GCN1: variants seen among roughly 807,000 people sequenced by gnomAD.
GCN1 encodes stalled ribosome sensor GCN1.
In GCN1, 90 loss-of-function variants were observed where a neutral mutation model predicts 288.4. That is an observed-to-expected ratio of 0.31 (90% confidence interval 0.26 to 0.37). The LOEUF (loss-of-function observed/expected upper bound fraction) is 0.37. Ranked by LOEUF, GCN1 falls within the 10% of genes least tolerant of loss-of-function variation. The pLI is 1.00. For synonymous variants in GCN1, 1,386 were observed against 1,420.2 expected (o/e 0.98, Z 0.54); for missense variants, 2,586 against 3,419.9 (o/e 0.76, Z 6.08).
chr12:120,130,565 G>A (rs1352144343), intron 56 of GCN1, 81 bp downstream of exon 56: 15 of 873,256 alleles, frequency 1.7e-5, no homozygotes, highest in Middle Eastern at 2.2e-4. Context: ...AGTTGAGGGC[G>A]CACTGCTGGT....
chr12:120,161,992 T>C lies in GCN1; in HGVS notation c.2230A>G (p.Ser744Gly), dbSNP rs1220018127. 2 of 1,613,948 alleles carry C rather than the reference T, an allele frequency of 1.2e-6. No individual in the cohort carries two copies. The highest frequency in any genetic ancestry group is 2.2e-5 in the South Asian group (2 of 91,078). Residue 744 changes from serine to glycine, a missense_variant, in exon 21 of 58, where the codon AGC (serine) becomes GGC (glycine). Ser to Gly is a moderately conservative substitution (Grantham distance 56). Around this residue, in one of 8 missense-constraint regions of GCN1, gnomAD observed 913 missense variants for 1,107.0 expected, o/e 0.82. Coordinates refer to ENST00000300648, the MANE Select transcript of GCN1 (RefSeq NM_006836.2). ...SPDRVLPQLI[S>G]TITASVQNPA... ...TTCTGCACGGAGGCAGTGATGGTGC[T>C]GATGAGCTGTGGGAGGACCCGGTCC...
intron 9 of GCN1, among the ~76,000 whole-genome samples, chr12:120,176,606 C>G (rs536655017): frequency 6.6e-6 from 1 of 152,170 alleles, no homozygotes; most frequent in African/African-American, 2.4e-5. Context: ...CCACTCAACT[C>G]TGAAAGTGAA....
intron 45 of GCN1, among the ~76,000 whole-genome samples, chr12:120,140,630 G>A (rs1457143302): frequency 6.6e-6 from 1 of 152,188 alleles, no homozygotes; most frequent in East Asian, 1.9e-4. Context: ...GGCCACTCAA[G>A]GAGGCATCCA....
chr12:120,146,907 C>T (rs1594266369), intron 38 of GCN1, 145 bp downstream of exon 38: 2 of 488,060 alleles, frequency 4.1e-6, no homozygotes, highest in Non-Finnish European at 7.1e-6. Flanking sequence ...GGATTTCCAC[C>T]ACAAAATGGC....
intron 14 of GCN1, among the ~76,000 whole-genome samples, chr12:120,171,217 A>G (rs1878304888): frequency 6.6e-6 from 1 of 151,866 alleles, no homozygotes; most frequent in African/African-American, 2.4e-5. Flanking sequence ...TATAATCCCA[A>G]CACTCTGGGA....
chr12:120,159,256 G>A (rs1877852139), intron 24 of GCN1, among the ~76,000 whole-genome samples: 1 of 152,168 alleles, frequency 6.6e-6, no homozygotes, highest in East Asian at 1.9e-4. Context: ...CTTCTGGCAG[G>A]TTTCATATGC....
At chr12:120,128,837 C>CTTT (rs35329199) in intron 57 of GCN1, among the ~76,000 whole-genome samples, 1,147 of 98,388 alleles carry the variant, frequency 0.012, 47 homozygotes, top group African/African-American at 0.025. Context: ...TCACCCAAAT[C>CTTT]TTTTTTTTTT....
In GCN1 at chr12:120,135,956, C is replaced by T. The variant is rs1359852655; in HGVS notation, c.7008+546G>A. Among the ~76,000 whole-genome samples the T allele has an allele frequency of 4.0e-5, 6 of 151,058 alleles. No individual in the cohort carries two copies. The East Asian group carries it at 1.2e-3, about 29-fold the overall frequency. The stretch of plus-strand genomic sequence containing the variant: ...GCTTGAACCCAGGAGGCGGAGGTTG[C>T]AGTGAGCCGAGATCGCGCCACTGCA... On this transcript the variant is annotated intron_variant, in intron 51 of 57. Coordinates refer to ENST00000300648, the MANE Select transcript of GCN1 (RefSeq NM_006836.2).
In GCN1 at chr12:120,141,646, A is replaced by G. The variant is rs867664370; in HGVS notation, c.5830-623T>C. ...GCCTTGCTCAGCCCCTACTGGTGCT[A>G]TGTTCCTGCCCACCACGGGACCTCT... On this transcript the variant is annotated intron_variant, in intron 44 of 57. Coordinates refer to ENST00000300648, the MANE Select transcript of GCN1 (RefSeq NM_006836.2). Among the ~76,000 whole-genome samples the G allele has an allele frequency of 1.8e-4, 27 of 152,260 alleles. No individual in the cohort carries two copies. The South Asian group carries it at 3.3e-3, about 19-fold the overall frequency.
chr12:120,151,449 T>TG lies in GCN1; in HGVS notation c.4063-59dup, dbSNP rs755274299. The TG allele has an allele frequency of 3.3e-4, 519 of 1,586,890 alleles. 1 individual carries two copies. The highest frequency in any genetic ancestry group is 3.7e-4 in the Non-Finnish European group (428 of 1,168,330). Reference sequence around the variant, plus strand: ...TCCGCTGCAGCCGTTTCATGGTTGGTGGGGGGTCTGACCATTCTACACAGC... The same window carrying TG: ...TCCGCTGCAGCCGTTTCATGGTTGGTGGGGGGGTCTGACCATTCTACACAGC... On this transcript the variant is annotated intron_variant, in intron 33 of 57. Coordinates refer to ENST00000300648, the MANE Select transcript of GCN1 (RefSeq NM_006836.2).
intron 56 of GCN1, among the ~76,000 whole-genome samples, chr12:120,130,320 A>T (rs1029044944): frequency 2.6e-5 from 4 of 152,236 alleles, no homozygotes; most frequent in African/African-American, 9.6e-5. Context: ...GAGGGAAAAG[A>T]GAGGTATTAA....
rs1298995156 is a variant in GCN1, at chr12:120,137,581, C to T, written c.6627G>A (p.Leu2209=). 1.2e-6 allele frequency: 2 copies of T among 1,614,108 alleles called. No homozygotes were observed. Among genetic ancestry groups the T allele is most frequent in the African/African-American group, 1.3e-5 (1 of 74,950 alleles). The part of the protein sequence containing the change: ...RLFNDSSPVV[L]EESWDALNAI... The stretch of plus-strand genomic sequence containing the variant: ...CATTTAGGGCATCCCAGCTCTCCTC[C>T]AGAACCACAGGGCTGGAGTCATTGA... The change falls in exon 49 of 58, where the codon CTG becomes CTA. Residue 2209 remains leucine (L), a synonymous_variant. Transcript: ENST00000300648. This position sits in a 1 kb window ranked among gnomAD's most constrained non-coding sequence, Gnocchi z 5.2.
intron 54 of GCN1, 72 bp downstream of exon 54, chr12:120,131,854 G>GA: frequency 2.2e-6 from 2 of 889,292 alleles, no homozygotes; most frequent in East Asian, 5.3e-5. Context: ...GGGAGGGAGG[G>GA]AGATGCCCGT....
intron 10 of GCN1, 128 bp from the exon 11 acceptor site, chr12:120,176,002 G>C: frequency 1.5e-6 from 2 of 1,355,368 alleles, no homozygotes; most frequent in Non-Finnish European, 1.0e-6. Flanking sequence ...TCTCAAGAAA[G>C]AAACTGCCAA....
At chr12:120,141,896 T>A (rs979795963) in intron 44 of GCN1, among the ~76,000 whole-genome samples, 2 of 152,174 alleles carry the variant, frequency 1.3e-5, no homozygotes, top group African/African-American at 4.8e-5. Flanking sequence ...ATTTTACATC[T>A]CTTTGTGTGG....
chr12:120,150,165 T>TCCACA, intron 34 of GCN1, 122 bp from the exon 35 acceptor site: 1 of 920,940 alleles, frequency 1.1e-6, no homozygotes. Context: ...CAGAAACAGC[T>TCCACA]GTGGAACTAG....
intron 2 of GCN1, among the ~76,000 whole-genome samples, chr12:120,189,144 A>T (rs1425789324): frequency 6.6e-6 from 1 of 152,114 alleles, no homozygotes; most frequent in African/African-American, 2.4e-5. Context: ...ATCTCAGCTC[A>T]CTGCAACCTC....
intron 42 of GCN1, among the ~76,000 whole-genome samples, chr12:120,143,380 C>T (rs968048400): frequency 2.0e-5 from 3 of 151,966 alleles, no homozygotes; most frequent in Admixed American, 6.6e-5. Flanking sequence ...GTCGGGGGTT[C>T]GAGACCAGCC....
At position 120,169,164 on chromosome 12, in the gene GCN1, G is replaced by A. The variant is rs567591990; in HGVS notation, c.1520-864C>T. 1.1e-4 allele frequency among the ~76,000 whole-genome samples: 16 copies of A among 151,326 alleles called. No homozygotes were observed. The South Asian group carries it at 2.7e-3, about 26-fold the overall frequency. ...TAAAAAATTAGCCGCGCGTGGCGGC[G>A]TAGCGCCTGTAGTCCCAGCCACTCG... On this transcript the variant is annotated intron_variant, in intron 15 of 57. Coordinates refer to ENST00000300648, the MANE Select transcript of GCN1 (RefSeq NM_006836.2).
Sources: gnomAD v4.1 joint callset for allele counts (sites outside exome capture counted in the v4.1 genomes callset) on GRCh38, gnomAD v4.1.1 for gene constraint, gnomAD v4.1.1 regional missense constraint, Gnocchi (gnomAD v3.1) non-coding constraint, MANE v1.5 for transcripts, NCBI Gene and HGNC (gene_info 2026-07-23, HGNC 2026-07-21) for gene names.